Variants in ATP13A4 observed in about 807,000 individuals in gnomAD.
The protein encoded by ATP13A4 is ATPase 13A4, also known as probable cation-transporting ATPase 13A4.
In ATP13A4, 114 loss-of-function variants were observed where a neutral mutation model predicts 142.5. That is an observed-to-expected ratio of 0.80 (90% confidence interval 0.69 to 0.93). The LOEUF is 0.93. Among genes scored for constraint, ATP13A4 ranks in the 40% least tolerant of loss-of-function variants. The pLI, the probability that ATP13A4 is intolerant of heterozygous loss-of-function variation, is 0.00. For missense variants in ATP13A4, 1,392 were observed against 1,454.0 expected (o/e 0.96, Z 0.69); for synonymous variants, 488 against 514.8 (o/e 0.95, Z 0.70).
At chr3:193,411,110 A>G (rs1037943385) in intron 27 of ATP13A4, 40 bp from the exon 28 acceptor site, 2 of 1,398,482 alleles carry the variant, frequency 1.4e-6, no homozygotes, top group African/African-American at 1.4e-5. Context: ...TTGAGAAATC[A>G]GAGTGAAAAA....
chr3:193,576,517 C>T (rs1458774830), intron 2 of ATP13A4, among the ~76,000 whole-genome samples: 7 of 151,128 alleles, frequency 4.6e-5, no homozygotes, highest in African/African-American at 1.7e-4. Flanking sequence ...ATGATCCACC[C>T]GCCTCGGCCT....
intron 2 of ATP13A4, among the ~76,000 whole-genome samples, chr3:193,512,672 A>G (rs1347266666): frequency 2.0e-5 from 3 of 152,204 alleles, no homozygotes; most frequent in African/African-American, 7.2e-5. Context: ...AGCTGTTCCG[A>G]TAGCCTCTCT....
rs139711727 is a variant in ATP13A4, at chr3:193,512,208, T to C, written c.234+2490A>G. ...ATGGACTTGTAGAGTACAGTTAAAT[T>C]ACGTTCATGCCAGAAAATAATAATC... On this transcript the variant is annotated intron_variant, in intron 2 of 29. Transcript: ENST00000342695. 3.3e-4 allele frequency among the ~76,000 whole-genome samples: 50 copies of C among 152,274 alleles called. No individual in the cohort carries two copies. In the East Asian group the frequency reaches 8.5e-3, roughly 26 times the overall value.
At chr3:193,523,373 G>C (rs1018854421) in intron 1 of ATP13A4, among the ~76,000 whole-genome samples, 5 of 152,080 alleles carry the variant, frequency 3.3e-5, no homozygotes, top group African/African-American at 1.2e-4. Context: ...ATGACCTTCA[G>C]GATGGGGGCT....
Position 193,462,747 on chromosome 3 carries a change from G to C in ATP13A4, c.1523+15C>G. On this transcript the variant is annotated intron_variant, in intron 13 of 29. Transcript: ENST00000342695. The stretch of plus-strand genomic sequence containing the variant: ...ACACTAGAATGCATTTAGTCCAAGA[G>C]TCCAAGGTACTCACCCATTCCTATC... 3 of 1,610,598 alleles carry C rather than the reference G, an allele frequency of 1.9e-6. No homozygotes were observed. The highest frequency in any genetic ancestry group is 2.5e-6 in the Non-Finnish European group (3 of 1,176,838).
chr3:193,454,693 C>T lies in ATP13A4; in HGVS notation c.1916-481G>A, dbSNP rs1046350009. ...CAGAAGACTGAAACTGGACCCCTTC[C>T]TTACACCATATACAAAAACTAACTT... On this transcript the variant is annotated intron_variant, in intron 16 of 29. Coordinates refer to ENST00000342695, the MANE Select transcript of ATP13A4 (RefSeq NM_032279.4). Among the ~76,000 whole-genome samples the T allele has an allele frequency of 7.9e-5, 12 of 152,294 alleles. No individual in the cohort carries two copies. In the East Asian group the frequency reaches 2.3e-3, roughly 29 times the overall value.
intron 25 of ATP13A4, among the ~76,000 whole-genome samples, chr3:193,425,183 C>G (rs1715595295): frequency 6.6e-6 from 1 of 151,006 alleles, no homozygotes; most frequent in South Asian, 2.1e-4. Flanking sequence ...CCAGTTAGAA[C>G]AGCTATTATC....
rs35260740 is a variant in ATP13A4, at chr3:193,534,952, CAA to C, written c.60+19786_60+19787del. 5.8e-3 allele frequency among the ~76,000 whole-genome samples: 869 copies of C among 148,764 alleles called. 14 individuals are homozygous for C. In the East Asian group the frequency reaches 0.07, roughly 12 times the overall value. The stretch of plus-strand genomic sequence containing the variant: ...TAGTCAAATCTGTAAAAAATAAAGA[CAA>C]AAAAAAAATGTTAAAAGCACCCAAA... On this transcript the variant is annotated intron_variant, in intron 1 of 29. Transcript: ENST00000342695.
chr3:193,474,186 G>A (rs1056142562), intron 8 of ATP13A4, among the ~76,000 whole-genome samples: 5 of 151,784 alleles, frequency 3.3e-5, no homozygotes, highest in African/African-American at 9.7e-5. Context: ...GGGCATGGTG[G>A]CACGTGCCTG....
At chr3:193,538,333 G>T (rs746682450) in intron 1 of ATP13A4, among the ~76,000 whole-genome samples, 2 of 152,038 alleles carry the variant, frequency 1.3e-5, no homozygotes, top group Admixed American at 6.6e-5. Flanking sequence ...AAAAATGTTT[G>T]TGCTGGTTGT....
intron 7 of ATP13A4, among the ~76,000 whole-genome samples, chr3:193,489,349 A>G (rs1719814792): frequency 6.6e-6 from 1 of 152,210 alleles, no homozygotes; most frequent in African/African-American, 2.4e-5. Context: ...CCAGCCAAAC[A>G]TAAACAGCAA....
At chr3:193,412,093 C>T in intron 27 of ATP13A4, 85 bp downstream of exon 27, 2 of 1,256,750 alleles carry the variant, frequency 1.6e-6, no homozygotes, top group Non-Finnish European at 2.3e-6. Context: ...AGAATCAACT[C>T]TAAAGCTGTT....
chr3:193,583,737 T>C (rs1370434278), intron 1 of ATP13A4, among the ~76,000 whole-genome samples: 2 of 151,776 alleles, frequency 1.3e-5, no homozygotes, highest in Non-Finnish European at 2.9e-5. Flanking sequence ...CAGAAAGCAA[T>C]AAAAATAAGT....
At chr3:193,437,777 G>A (rs1379715990) in intron 23 of ATP13A4, among the ~76,000 whole-genome samples, 1 of 151,734 alleles carries the variant, frequency 6.6e-6, no homozygotes, top group Non-Finnish European at 1.5e-5. Context: ...GCAGGGTGGT[G>A]GGGGACATCA....
chr3:193,496,016 G>A (rs1350724267), intron 3 of ATP13A4, among the ~76,000 whole-genome samples: 2 of 152,020 alleles, frequency 1.3e-5, no homozygotes, highest in African/African-American at 4.8e-5. Context: ...TTTAACCAAG[G>A]TCTTGAAAAA....
rs1466829452 is a variant in ATP13A4, at chr3:193,554,753, T to C, written c.47A>G (p.Glu16Gly). The C allele has an allele frequency of 6.2e-7, 1 of 1,613,662 alleles. No individual in the cohort carries two copies. Among genetic ancestry groups the C allele is most frequent in the Non-Finnish European group, 8.5e-7 (1 of 1,179,786 alleles). ...CTAGAATCTTACCATCTCATTCTCT[T>C]CTCCTTCATTGAGCAGAGCGTGCTG... is the stretch of plus-strand genomic sequence containing the variant. ...KGQHALLNEG[E>G]ENEMEIFGYR... The change falls in exon 1 of 30, where the codon GAA becomes GGA. Residue 16 changes from glutamate (E) to glycine (G), a missense_variant. Glu to Gly is a moderately conservative substitution (Grantham distance 98). Coordinates refer to ENST00000342695, the MANE Select transcript of ATP13A4 (RefSeq NM_032279.4).
At chr3:193,421,892 A>G (rs1175601072) in intron 25 of ATP13A4, among the ~76,000 whole-genome samples, 1 of 150,014 alleles carries the variant, frequency 6.7e-6, no homozygotes, top group African/African-American at 2.4e-5. Flanking sequence ...CAAAAGAACT[A>G]CAAAACAACC....
At chr3:193,569,088 G>C (rs932294886) in intron 2 of ATP13A4, among the ~76,000 whole-genome samples, 11 of 152,206 alleles carry the variant, frequency 7.2e-5, no homozygotes, top group Non-Finnish European at 1.2e-4. Flanking sequence ...GGAGAGATTT[G>C]ACTGACACTA....
intron 29 of ATP13A4, 120 bp downstream of exon 29, chr3:193,407,193 A>G: frequency 1.2e-6 from 1 of 803,496 alleles, no homozygotes; most frequent in South Asian, 1.4e-5. Context: ...GAAGGAAGGG[A>G]GCCCCTGCAC....
Sources: gnomAD v4.1 joint callset for allele counts (sites outside exome capture counted in the v4.1 genomes callset) on GRCh38, gnomAD v4.1.1 for gene constraint, MANE v1.5 for transcripts, NCBI Gene and HGNC (gene_info 2026-07-23, HGNC 2026-07-21) for gene names.